Variants in EDA observed in about 807,000 individuals in gnomAD.
EDA encodes the protein ectodysplasin-A.
Under a neutral mutation model 23.6 loss-of-function variants are expected in EDA, and 2 were observed. The observed-to-expected ratio is 0.08, with a 90% CI of 0.03 to 0.27. EDA has a LOEUF of 0.27. EDA is among the 10% of genes least tolerant of loss of function. The pLI, the probability that EDA is intolerant of heterozygous loss-of-function variation, is 1.00. For synonymous variants in EDA, 131 were observed against 132.0 expected, an observed-to-expected ratio of 0.99 and a Z score of 0.05; for missense variants, 229 against 324.2, an observed-to-expected ratio of 0.71 and a Z score of 2.26.
intron 1 of EDA, among the ~76,000 whole-genome samples, chrX:69,738,498 A>G (rs1455171624): frequency 9.3e-6 from 1 of 107,244 alleles, no homozygotes; most frequent in Non-Finnish European, 1.9e-5. Context: ...GATTTCATTA[A>G]TCTCTGTCTT....
At chrX:69,703,466 T>G (rs1264559358) in intron 1 of EDA, among the ~76,000 whole-genome samples, 2 of 112,194 alleles carry the variant, frequency 1.8e-5, no homozygotes, top group Non-Finnish European at 3.8e-5. Context: ...GTATCTGTTC[T>G]AATCCCGAGA....
intron 1 of EDA, among the ~76,000 whole-genome samples, chrX:69,744,988 G>A (rs1014638154): frequency 3.6e-5 from 4 of 111,256 alleles, no homozygotes; most frequent in African/African-American, 6.5e-5. Context: ...CTACTATCTC[G>A]TTTTCCTCTT....
Position 69,757,655 on chromosome X carries a change from G to T in EDA, c.396+140951G>T, listed in dbSNP as rs770766542. Among the ~76,000 whole-genome samples, 18 of 112,367 alleles carry T rather than the reference G, an allele frequency of 1.6e-4. No individual in the cohort carries two copies. In the South Asian group the frequency reaches 5.2e-3, roughly 32 times the overall value. On this transcript the variant is annotated intron_variant, in intron 1 of 7. Transcript: ENST00000374552. ...TCTTATACATTTAATTCTGCCCAGA[G>T]GGGTGCTATAAAGTATTATGAACAG...
chrX:69,858,587 A>G (rs1300354713), intron 1 of EDA, among the ~76,000 whole-genome samples: 1 of 111,569 alleles, frequency 9.0e-6, no homozygotes, highest in African/African-American at 3.3e-5. Context: ...AGTATATTTG[A>G]TCGTGGTGGA....
chrX:69,845,386 T>C (rs987292338), intron 1 of EDA, among the ~76,000 whole-genome samples: 1 of 112,100 alleles, frequency 8.9e-6, no homozygotes, highest in Admixed American at 9.5e-5. Flanking sequence ...GTTATTCTTC[T>C]CTTTGACATA....
intron 1 of EDA, among the ~76,000 whole-genome samples, chrX:69,924,178 C>T (rs1275796974): frequency 6.3e-5 from 7 of 111,544 alleles, no homozygotes; most frequent in African/African-American, 2.3e-4. Context: ...AATTAGATCC[C>T]GTTTGTCAAT....
At chrX:69,982,768 T>G in intron 2 of EDA, among the ~76,000 whole-genome samples, 1 of 94,908 alleles carries the variant, frequency 1.1e-5, no homozygotes, top group Non-Finnish European at 2.1e-5. Flanking sequence ...AGATGTCTAT[T>G]AGGTCCCCTT....
intron 1 of EDA, among the ~76,000 whole-genome samples, chrX:69,950,947 G>T (rs1244257705): frequency 1.3e-5 from 1 of 76,431 alleles, no homozygotes; most frequent in Non-Finnish European, 2.4e-5. Flanking sequence ...GTTGTGGGGT[G>T]GGGGGAGGGG....
chrX:69,786,801 T>A (rs1172207959), intron 1 of EDA, among the ~76,000 whole-genome samples: 1 of 111,423 alleles, frequency 9.0e-6, no homozygotes, highest in African/African-American at 3.3e-5. Flanking sequence ...TAGATGTCTA[T>A]TAGGTCCGCT....
chrX:69,884,611 T>G (rs2017801000), intron 1 of EDA, among the ~76,000 whole-genome samples: 1 of 112,580 alleles, frequency 8.9e-6, no homozygotes, highest in Non-Finnish European at 1.9e-5. Flanking sequence ...CTTCTTTTAC[T>G]TAACATAACA....
intron 1 of EDA, among the ~76,000 whole-genome samples, chrX:69,754,765 T>C (rs2804380): frequency 0.31 from 33,800 of 110,757 alleles, 4,888 homozygotes; most frequent in Middle Eastern, 0.56. Context: ...TTCTTTTTAC[T>C]CTTTTTTCTC....
intron 1 of EDA, among the ~76,000 whole-genome samples, chrX:69,777,809 C>T (rs956502743): frequency 1.5e-4 from 17 of 111,766 alleles, no homozygotes; most frequent in Non-Finnish European, 2.6e-4. Context: ...TATAAAACAA[C>T]GTAGTTTTAT....
At chrX:69,759,433 T>TA (rs927537185) in intron 1 of EDA, among the ~76,000 whole-genome samples, 4 of 111,008 alleles carry the variant, frequency 3.6e-5, no homozygotes, top group Non-Finnish European at 3.8e-5. Flanking sequence ...TTTTTTACTT[T>TA]AAAAAAAAAT....
At chrX:69,644,196 C>T (rs967350163) in intron 1 of EDA, among the ~76,000 whole-genome samples, 10 of 110,205 alleles carry the variant, frequency 9.1e-5, no homozygotes, top group African/African-American at 3.3e-4. Flanking sequence ...TTACTTTGTG[C>T]AGTATGGCCA....
intron 1 of EDA, among the ~76,000 whole-genome samples, chrX:69,730,662 C>G (rs777600320): frequency 8.9e-6 from 1 of 111,967 alleles, no homozygotes; most frequent in African/African-American, 3.2e-5. Context: ...CTTGGTTTAG[C>G]CTTTTGTACC....
At chrX:70,028,161 A>C (rs912761514) in intron 4 of EDA, 125 bp downstream of exon 4, 25 of 1,087,664 alleles carry the variant, frequency 2.3e-5, no homozygotes, top group Non-Finnish European at 6.1e-6. Flanking sequence ...AGGGATGCAG[A>C]TCTCCTAGCC....
chrX:69,920,041 CCTT>C (rs1172254637), intron 1 of EDA, among the ~76,000 whole-genome samples: 1 of 110,997 alleles, frequency 9.0e-6, no homozygotes, highest in Non-Finnish European at 1.9e-5. Context: ...ATACTTTTCT[CCTT>C]CTTTTCCTTT....
At chrX:69,653,324 T>TCG (rs1933168114) in intron 1 of EDA, among the ~76,000 whole-genome samples, 1 of 111,801 alleles carries the variant, frequency 8.9e-6, no homozygotes, top group Non-Finnish European at 1.9e-5. Flanking sequence ...TACATTGATT[T>TCG]TGTATCCTGA....
chrX:69,956,727 G>A (rs1158837913), intron 1 of EDA, among the ~76,000 whole-genome samples: 1 of 112,077 alleles, frequency 8.9e-6, no homozygotes, highest in African/African-American at 3.2e-5. Flanking sequence ...TTAGAAATTT[G>A]TGGCTAGGCT....
Sources: gnomAD v4.1 joint callset for allele counts (sites outside exome capture counted in the v4.1 genomes callset) on GRCh38, gnomAD v4.1.1 for gene constraint, MANE v1.5 for transcripts, NCBI Gene and HGNC (gene_info 2026-07-23, HGNC 2026-07-21) for gene names.